Variants in PTPRN2 observed in about 807,000 individuals in gnomAD.
The protein encoded by PTPRN2 is protein tyrosine phosphatase receptor type N2.
A neutral mutation model predicts 118.8 loss-of-function variants in PTPRN2; 74 were observed. That is an observed-to-expected ratio of 0.62 (90% CI 0.52 to 0.76). The LOEUF is 0.76. Ranked by LOEUF, PTPRN2 falls within the 30% of genes least tolerant of loss-of-function variation. PTPRN2 has a pLI of 0.00. For missense variants in PTPRN2, 1,481 were observed against 1,394.4 expected, an observed-to-expected ratio of 1.06 and a Z score of -0.99; for synonymous variants, 641 against 608.0, an observed-to-expected ratio of 1.05 and a Z score of -0.80.
At chr7:158,508,529 G>A (rs561176419) in intron 1 of PTPRN2, among the ~76,000 whole-genome samples, 1 of 152,316 alleles carries the variant, frequency 6.6e-6, no homozygotes, top group South Asian at 2.1e-4. Context: ...CCCAGCTCCA[G>A]GGGTGTGGTG....
At chr7:157,981,874 C>T (rs989367917) in intron 11 of PTPRN2, among the ~76,000 whole-genome samples, 3 of 152,404 alleles carry the variant, frequency 2.0e-5, no homozygotes, top group African/African-American at 7.2e-5. Context: ...AAATGCAGCC[C>T]TTACGCCAGG....
chr7:157,874,301 T>G lies in PTPRN2; in HGVS notation c.1788+24372A>C, dbSNP rs1343180055. Among the ~76,000 whole-genome samples, 2 of 152,184 alleles carry G rather than the reference T, an allele frequency of 1.3e-5. No homozygotes were observed. Among genetic ancestry groups the G allele is most frequent in the African/African-American group, 4.8e-5 (2 of 41,448 alleles). On this transcript the variant is annotated intron_variant, in intron 12 of 22. Transcript: ENST00000389418. The surrounding 1 kb of genome is among the most constrained non-coding windows in gnomAD (Gnocchi z 5.8). ...CAGATCACAGCCCCTAAGCCTGGAC[T>G]GCAGTGCTCCACTTGGCCTCGCCCA...
intron 3 of PTPRN2, among the ~76,000 whole-genome samples, chr7:158,311,165 C>T (rs1283878753): frequency 1.3e-5 from 2 of 152,216 alleles, no homozygotes; most frequent in Non-Finnish European, 2.9e-5. Context: ...AAGCACGTCC[C>T]CAGCAGCAGC....
intron 5 of PTPRN2, among the ~76,000 whole-genome samples, chr7:158,181,084 T>C (rs2335838): frequency 0.62 from 94,958 of 152,026 alleles, 30,839 homozygotes; most frequent in East Asian, 0.85. Flanking sequence ...GTTTATCATA[T>C]ATGGCTTTTA....
At chr7:158,056,917 T>G (rs192706377) in intron 11 of PTPRN2, among the ~76,000 whole-genome samples, 1 of 152,276 alleles carries the variant, frequency 6.6e-6, no homozygotes, top group African/African-American at 2.4e-5. Flanking sequence ...GGACGCGTGC[T>G]CCACTCGTGG....
At chr7:158,325,317 C>A (rs1803405837) in intron 2 of PTPRN2, among the ~76,000 whole-genome samples, 1 of 152,294 alleles carries the variant, frequency 6.6e-6, no homozygotes, top group East Asian at 1.9e-4. Flanking sequence ...AACTAACCAT[C>A]TGCTTTTCCC....
intron 21 of PTPRN2, among the ~76,000 whole-genome samples, chr7:157,552,666 T>C (rs1264529180): frequency 1.8e-4 from 27 of 152,256 alleles, no homozygotes; most frequent in Admixed American, 1.8e-3. Context: ...AAGATGTCTA[T>C]TGGCTTTTAA....
chr7:157,592,448 C>T (rs1252775231), intron 17 of PTPRN2, among the ~76,000 whole-genome samples: 2 of 152,016 alleles, frequency 1.3e-5, no homozygotes, highest in African/African-American at 2.4e-5. Flanking sequence ...GTGTGGACAC[C>T]GAGAGCCTTC....
intron 2 of PTPRN2, among the ~76,000 whole-genome samples, chr7:158,374,447 C>T (rs940569127): frequency 3.3e-5 from 5 of 152,100 alleles, no homozygotes; most frequent in Admixed American, 1.3e-4. Flanking sequence ...ATATCAACAG[C>T]GCAGAAACTC....
chr7:157,568,514 G>A (rs113981883), intron 21 of PTPRN2, among the ~76,000 whole-genome samples: 63 of 152,310 alleles, frequency 4.1e-4, no homozygotes, highest in African/African-American at 1.4e-3. Flanking sequence ...TACTGGAGCG[G>A]CATTCTGCAC....
chr7:158,265,376 ATACT>A (rs1461472405), intron 3 of PTPRN2, among the ~76,000 whole-genome samples: 1 of 151,740 alleles, frequency 6.6e-6, no homozygotes, highest in African/African-American at 2.4e-5. Flanking sequence ...CTATGGGCAC[ATACT>A]TGCAGGCAGG....
chr7:157,758,170 T>C (rs1470370685), intron 12 of PTPRN2, among the ~76,000 whole-genome samples: 1 of 152,116 alleles, frequency 6.6e-6, no homozygotes, highest in East Asian at 1.9e-4. Context: ...AGTGGGCCGG[T>C]TGCGGGGAAG....
intron 11 of PTPRN2, among the ~76,000 whole-genome samples, chr7:157,995,832 C>A (rs757339915): frequency 6.6e-6 from 1 of 152,202 alleles, no homozygotes; most frequent in Non-Finnish European, 1.5e-5. Context: ...GACTACCCTT[C>A]GGAAATGCAC....
intron 6 of PTPRN2, among the ~76,000 whole-genome samples, chr7:158,153,540 G>A (rs13239222): frequency 0.63 from 95,614 of 152,076 alleles, 30,881 homozygotes; most frequent in East Asian, 0.79. Flanking sequence ...GGTTTGAGCA[G>A]CGGGGCACTG....
At chr7:158,079,563 T>C (rs776719775) in intron 11 of PTPRN2, among the ~76,000 whole-genome samples, 1 of 152,234 alleles carries the variant, frequency 6.6e-6, no homozygotes, top group East Asian at 1.9e-4. Context: ...CTTGAGGTCC[T>C]GCAAACCTAA....
intron 12 of PTPRN2, among the ~76,000 whole-genome samples, chr7:157,769,545 G>C (rs908294101): frequency 3.3e-5 from 5 of 152,346 alleles, no homozygotes; most frequent in Non-Finnish European, 5.9e-5. Flanking sequence ...ACTGAAGACA[G>C]TATGGGTTGC....
intron 12 of PTPRN2, among the ~76,000 whole-genome samples, chr7:157,736,122 A>G (rs1044678220): frequency 6.6e-6 from 1 of 152,188 alleles, no homozygotes; most frequent in African/African-American, 2.4e-5. Context: ...GGTAGCCCCA[A>G]GCATCTCTGG....
rs181827431 is a variant in PTPRN2 at position 158,579,875 on chromosome 7, T to C, written c.112+7683A>G. On this transcript the variant is annotated intron_variant, in intron 1 of 22. Transcript: ENST00000389418. The stretch of plus-strand genomic sequence containing the variant: ...TGCCGCAAGTCTTCTACCACAAGAA[T>C]GGGTGCCGCTCCATAGGAACTGATG... 3.3e-4 allele frequency among the ~76,000 whole-genome samples: 51 copies of C among 152,340 alleles called. No homozygotes were observed. In the East Asian group the frequency reaches 8.1e-3, roughly 24 times the overall value.
intron 3 of PTPRN2, among the ~76,000 whole-genome samples, chr7:158,223,508 A>G (rs1828517114): frequency 6.6e-6 from 1 of 152,178 alleles, no homozygotes; most frequent in South Asian, 2.1e-4. Flanking sequence ...CTGGTTCACT[A>G]TTTCAAAACA....
Sources: allele counts gnomAD v4.1 joint callset (sites outside exome capture counted in the v4.1 genomes callset), GRCh38; gene constraint gnomAD v4.1.1; non-coding constraint Gnocchi (gnomAD v3.1); transcripts MANE v1.5; gene names NCBI Gene and HGNC (gene_info 2026-07-23, HGNC 2026-07-21).